CNTN1: variants seen among roughly 807,000 people sequenced by gnomAD.
CNTN1 encodes the protein contactin 1, also known as contactin-1.
A neutral mutation model predicts 126.4 loss-of-function variants in CNTN1; 38 were observed. That is an observed-to-expected ratio of 0.30 (90% CI 0.23 to 0.39). The LOEUF (loss-of-function observed/expected upper bound fraction) is 0.39. Among genes scored for constraint, CNTN1 ranks in the 10% least tolerant of loss-of-function variants. The pLI is 1.00. For missense variants in CNTN1, 1,009 were observed against 1,248.4 expected, an observed-to-expected ratio of 0.81 and a Z score of 2.89; for synonymous variants, 413 against 422.6, an observed-to-expected ratio of 0.98 and a Z score of 0.28.
chr12:41,040,650 C>T (rs1289507963), intron 23 of CNTN1, among the ~76,000 whole-genome samples: 2 of 152,156 alleles, frequency 1.3e-5, no homozygotes, highest in East Asian at 3.9e-4. Context: ...AGTTGGATTC[C>T]TAGGTATTCT....
chr12:40,771,902 A>G (rs1452144144), intron 1 of CNTN1, among the ~76,000 whole-genome samples: 2 of 152,040 alleles, frequency 1.3e-5, no homozygotes, highest in African/African-American at 2.4e-5. Flanking sequence ...TGCTATGCCG[A>G]GGGAAATACA....
intron 1 of CNTN1, among the ~76,000 whole-genome samples, chr12:40,862,705 G>A (rs1367467924): frequency 6.6e-6 from 1 of 151,996 alleles, no homozygotes; most frequent in African/African-American, 2.4e-5. Flanking sequence ...CAATGTAAAG[G>A]TCATGAAAAA....
At chr12:40,693,420 G>C (rs1941356335) in intron 1 of CNTN1, among the ~76,000 whole-genome samples, 2 of 152,216 alleles carry the variant, frequency 1.3e-5, no homozygotes, top group African/African-American at 4.8e-5. Flanking sequence ...CTAGGTGACC[G>C]CATCTGGGTA....
At chr12:40,942,298 G>A (rs2136946913) in intron 12 of CNTN1, among the ~76,000 whole-genome samples, 1 of 152,166 alleles carries the variant, frequency 6.6e-6, no homozygotes, top group African/African-American at 2.4e-5. Context: ...TGCATGGGAG[G>A]GAAAATAGAG....
Position 41,032,384 on chromosome 12 carries a change from GAAAA to G in CNTN1, c.2980+3167_2980+3170del, listed in dbSNP as rs1949163750. 3.5e-5 allele frequency among the ~76,000 whole-genome samples: 3 copies of G among 86,268 alleles called. No individual in the cohort carries two copies. The South Asian group carries it at 8.5e-4, about 25-fold the overall frequency. The allele number at this position is 86,268 out of a possible 152,430, so 56.6% of individuals were successfully genotyped here. Reference sequence around the variant, plus strand: ...CTCCGTCTCAAAAAAAAAAAAAAAAGAAAAAGAAAAAAAAGAAAGAAAGATGGCT... The same window carrying G: ...CTCCGTCTCAAAAAAAAAAAAAAAAGAGAAAAAAAAGAAAGAAAGATGGCT... On this transcript the variant is annotated intron_variant, in intron 23 of 23. Transcript: ENST00000551295.
chr12:40,833,357 A>G (rs1298933007), intron 1 of CNTN1, among the ~76,000 whole-genome samples: 2 of 152,054 alleles, frequency 1.3e-5, no homozygotes, highest in Non-Finnish European at 2.9e-5. Flanking sequence ...CAGCCTCCCA[A>G]AGTGCTGAGA....
intron 13 of CNTN1, 78 bp downstream of exon 13, chr12:40,943,802 T>A (rs1231404907): frequency 6.5e-7 from 1 of 1,535,346 alleles, no homozygotes; most frequent in Admixed American, 1.7e-5. Flanking sequence ...AAACAGTCAA[T>A]GTATTTGTAA....
At chr12:40,738,952 C>G (rs1479403835) in intron 1 of CNTN1, among the ~76,000 whole-genome samples, 3 of 152,044 alleles carry the variant, frequency 2.0e-5, no homozygotes, top group Non-Finnish European at 1.5e-5. Flanking sequence ...TTCAACCTAG[C>G]AACTTCACTT....
intron 23 of CNTN1, among the ~76,000 whole-genome samples, chr12:41,029,912 T>A (rs1419641080): frequency 6.6e-6 from 1 of 152,082 alleles, no homozygotes; most frequent in African/African-American, 2.4e-5. Flanking sequence ...TTTCTTTTTT[T>A]TTATTTCTGG....
chr12:40,796,564 G>A (rs1565748282), intron 1 of CNTN1, among the ~76,000 whole-genome samples: 1 of 152,090 alleles, frequency 6.6e-6, no homozygotes, highest in Admixed American at 6.6e-5. Context: ...ACAAAGAAGA[G>A]TGCCCTGATG....
intron 17 of CNTN1, among the ~76,000 whole-genome samples, chr12:41,002,589 G>C (rs577686849): frequency 7.9e-6 from 1 of 127,048 alleles, no homozygotes; most frequent in Admixed American, 9.0e-5. Context: ...ATGGAGTCTT[G>C]CTCTGTTGCC....
At chr12:40,814,782 C>T (rs1941203428) in intron 1 of CNTN1, among the ~76,000 whole-genome samples, 1 of 151,952 alleles carries the variant, frequency 6.6e-6, no homozygotes. Flanking sequence ...TATAAATTAC[C>T]TTGGGCATAT....
chr12:40,813,058 TCTTCCTTC>T (rs1208093195), intron 1 of CNTN1, among the ~76,000 whole-genome samples: 4,471 of 104,688 alleles, frequency 0.043, 153 homozygotes, highest in Middle Eastern at 0.14. Context: ...TTTCTTTCTT[TCTTCCTTC>T]CTTCCTTCCT....
At chr12:40,807,981 A>C (rs1326653155) in intron 1 of CNTN1, among the ~76,000 whole-genome samples, 1 of 152,132 alleles carries the variant, frequency 6.6e-6, no homozygotes, top group Non-Finnish European at 1.5e-5. Context: ...ATGATTTTCC[A>C]AATTCTTTGT....
chr12:40,926,806 T>C (rs1303213005), intron 6 of CNTN1, among the ~76,000 whole-genome samples: 1 of 152,144 alleles, frequency 6.6e-6, no homozygotes, highest in Non-Finnish European at 1.5e-5. Context: ...AAATTCTAGA[T>C]ATATTTTGAA....
intron 1 of CNTN1, among the ~76,000 whole-genome samples, chr12:40,899,042 A>T (rs1944510018): frequency 6.6e-6 from 1 of 152,216 alleles, no homozygotes; most frequent in African/African-American, 2.4e-5. Context: ...GGATTATTAC[A>T]GCACAGGAAG....
Position 40,959,241 on chromosome 12 carries a change from G to A in CNTN1, c.1804+7G>A, listed in dbSNP as rs751956205. On this transcript the variant is annotated splice_region_variant and intron_variant, in intron 15 of 23. Coordinates refer to ENST00000551295, the MANE Select transcript of CNTN1 (RefSeq NM_001843.4). ...GCTGACCTTGTAGTGAGAGGTAAGA[G>A]TTTCAACATTTTAAAATTACAAAAC... is the stretch of plus-strand genomic sequence containing the variant. 2.5e-6 allele frequency: 4 copies of A among 1,612,132 alleles called. No individual in the cohort carries two copies. The Admixed American group carries it at 6.7e-5, about 27-fold the overall frequency.
At chr12:41,039,049 G>C (rs1949335560) in intron 23 of CNTN1, among the ~76,000 whole-genome samples, 1 of 152,288 alleles carries the variant, frequency 6.6e-6, no homozygotes, top group African/African-American at 2.4e-5. Context: ...GGCCAAGCAA[G>C]CCATGAGGTG....
intron 1 of CNTN1, among the ~76,000 whole-genome samples, chr12:40,821,654 C>A (rs2136528310): frequency 6.6e-6 from 1 of 152,134 alleles, no homozygotes; most frequent in East Asian, 1.9e-4. Flanking sequence ...ACCAGAAATC[C>A]TTTAATGTTA....
Sources: allele counts gnomAD v4.1 joint callset (sites outside exome capture counted in the v4.1 genomes callset), GRCh38; gene constraint gnomAD v4.1.1; transcripts MANE v1.5; gene names NCBI Gene and HGNC (gene_info 2026-07-23, HGNC 2026-07-21).